MERTK: variants seen among roughly 807,000 people sequenced by gnomAD.
MERTK encodes the protein tyrosine-protein kinase Mer.
MERTK carries 69 observed loss-of-function variants against 99.3 expected under a neutral mutation model. The ratio of observed to expected loss-of-function variants is 0.70; its 90% CI spans 0.57 to 0.85. The LOEUF (loss-of-function observed/expected upper bound fraction) is 0.85, where lower values mean the gene tolerates loss of function less well. Among genes scored for constraint, MERTK ranks in the 40% least tolerant of loss-of-function variants. MERTK has a pLI of 0.00. For missense variants in MERTK, 1,125 were observed against 1,249.4 expected (o/e 0.90, Z 1.50); for synonymous variants, 426 against 467.6 (o/e 0.91, Z 1.15).
At chr2:111,946,530 C>T (rs77855872) in intron 3 of MERTK, among the ~76,000 whole-genome samples, 406 of 152,170 alleles carry the variant, frequency 2.7e-3, no homozygotes, top group African/African-American at 9.2e-3. Context: ...TTGGAAAGTA[C>T]GGTAGATTTA....
At chr2:111,970,786 CCCTCCTCCTCCTCCCCCCT>C (rs1558791438) in intron 6 of MERTK, among the ~76,000 whole-genome samples, 7 of 19,862 alleles carry the variant, frequency 3.5e-4, no homozygotes, top group Admixed American at 1.6e-3. Flanking sequence ...TCCTCCTCCT[CCCTCCTCCTCCTCCCCCCT>C]CCTCCTCCTC....
In MERTK at chr2:112,001,246, A is replaced by G. The variant is rs773346031; in HGVS notation, c.1650A>G (p.Ile550Met). The part of the protein sequence containing the change: ...EEDSELVVNY[I>M]AKKSFCRRAI... ...ATTCTGAATTAGTGGTGAATTATAT[A>G]GCAAAGAAATCCTTCTGTCGGCGAG... The change falls in exon 11 of 19, where the codon ATA (isoleucine) becomes ATG (methionine). Residue 550 changes from isoleucine to methionine, a missense_variant. Ile to Met is a conservative substitution (Grantham distance 10). Transcript: ENST00000295408. The G allele has an allele frequency of 1.2e-5, 19 of 1,613,916 alleles. No individual in the cohort carries two copies. The highest frequency in any genetic ancestry group is 1.6e-4 in the Middle Eastern group (1 of 6,082).
At chr2:111,954,413 CTCTA>C (rs1685111768) in intron 4 of MERTK, among the ~76,000 whole-genome samples, 1 of 152,186 alleles carries the variant, frequency 6.6e-6, no homozygotes, top group South Asian at 2.1e-4. Flanking sequence ...AGAACAAACC[CTCTA>C]TCTATTTGTC....
chr2:112,022,604 G>A (rs764915730), intron 18 of MERTK: 2 of 811,672 alleles, frequency 2.5e-6, no homozygotes, highest in East Asian at 2.5e-5. Context: ...AGCCCACTGA[G>A]GCTCACTCAT....
intron 4 of MERTK, among the ~76,000 whole-genome samples, chr2:111,958,009 A>C (rs1336831497): frequency 6.6e-6 from 1 of 152,148 alleles, no homozygotes; most frequent in African/African-American, 2.4e-5. Context: ...TATCTGTCAG[A>C]GCTGTGTCAT....
intron 8 of MERTK, among the ~76,000 whole-genome samples, chr2:111,992,212 C>T (rs1211331920): frequency 2.0e-5 from 3 of 152,106 alleles, no homozygotes; most frequent in East Asian, 3.9e-4. Flanking sequence ...TTTCCTCGCT[C>T]AGTCTAATAG....
Position 112,007,573 on chromosome 2 carries a change from C to G in MERTK, c.1868-810C>G, listed in dbSNP as rs181542360. On this transcript the variant is annotated intron_variant, in intron 13 of 18. Coordinates refer to ENST00000295408, the MANE Select transcript of MERTK (RefSeq NM_006343.3). ...ATTTTCTGTCTCTGATTTTGACTCTCTAGGTACTTCATGTAAGTGGAATCA... is the reference window on the plus strand; with the variant it reads ...ATTTTCTGTCTCTGATTTTGACTCTGTAGGTACTTCATGTAAGTGGAATCA... 1.6e-3 allele frequency among the ~76,000 whole-genome samples: 244 copies of G among 152,274 alleles called. 6 individuals carry two copies. Among genetic ancestry groups the G allele is most frequent in the African/African-American group, 5.3e-3 (221 of 41,528 alleles).
At chr2:112,011,306 A>C (rs1293788610) in intron 15 of MERTK, among the ~76,000 whole-genome samples, 1 of 152,174 alleles carries the variant, frequency 6.6e-6, no homozygotes, top group Non-Finnish European at 1.5e-5. Flanking sequence ...AACACAGGGG[A>C]AAATGTCCCA....
chr2:111,921,155 G>A (rs1184667450), intron 1 of MERTK, among the ~76,000 whole-genome samples: 1 of 152,086 alleles, frequency 6.6e-6, no homozygotes, highest in African/African-American at 2.4e-5. Flanking sequence ...AATGTGGGGT[G>A]GGGGCACTGG....
At chr2:112,023,153 G>A (rs141238597) in intron 18 of MERTK, among the ~76,000 whole-genome samples, 2,752 of 152,178 alleles carry the variant, frequency 0.018, 77 homozygotes, top group African/African-American at 0.062. Flanking sequence ...GGTGGCTCAC[G>A]CTTGTAATCC....
rs774145774 is a variant in MERTK, at chr2:111,929,437, A to T, written c.379A>T (p.Thr127Ser). Residue 127 changes from threonine (T) to serine (S), a missense_variant, in exon 2 of 19, where the codon ACA becomes TCA. Coordinates refer to ENST00000295408, the MANE Select transcript of MERTK (RefSeq NM_006343.3). The part of the protein sequence containing the change: ...ISVPNIYQDT[T>S]ISWWKDGKEL... The stretch of plus-strand genomic sequence containing the variant: ...TGTACCTAATATATACCAGGACACC[A>T]CAATTTCTTGGTGGAAAGATGGGAA... 22 of 1,614,110 alleles carry T rather than the reference A, an allele frequency of 1.4e-5. No homozygotes were observed. The Admixed American group carries it at 3.5e-4, about 26-fold the overall frequency.
chr2:111,916,805 T>C (rs927490190), intron 1 of MERTK, among the ~76,000 whole-genome samples: 6 of 152,198 alleles, frequency 3.9e-5, no homozygotes, highest in Admixed American at 2.0e-4. Flanking sequence ...TTTAGTCTTC[T>C]GTTTTACCTG....
chr2:111,995,228 C>T, intron 9 of MERTK: 1 of 155,568 alleles, frequency 6.4e-6, no homozygotes, highest in Middle Eastern at 5.2e-4. Flanking sequence ...AAATGCCCAG[C>T]CATGCGTGTT....
intron 2 of MERTK, among the ~76,000 whole-genome samples, chr2:111,941,422 A>T (rs1455304529): frequency 6.6e-6 from 1 of 152,100 alleles, no homozygotes; most frequent in Non-Finnish European, 1.5e-5. Flanking sequence ...CCCGGTTAGG[A>T]AACACCCATA....
intron 15 of MERTK, among the ~76,000 whole-genome samples, chr2:112,016,022 G>T (rs1677208915): frequency 6.6e-6 from 1 of 152,114 alleles, no homozygotes; most frequent in South Asian, 2.1e-4. Context: ...TAAACTCTGT[G>T]CCCATCCTTT....
chr2:112,005,594 T>C (rs1676964182), intron 13 of MERTK, among the ~76,000 whole-genome samples: 1 of 152,174 alleles, frequency 6.6e-6, no homozygotes, highest in Non-Finnish European at 1.5e-5. Context: ...GGTGTCTGGC[T>C]GGGCATGGCC....
chr2:111,900,060 C>T (rs1684015401), intron 1 of MERTK, among the ~76,000 whole-genome samples: 1 of 152,088 alleles, frequency 6.6e-6, no homozygotes. Flanking sequence ...TTTCTATTTC[C>T]ATTCAGCATG....
At chr2:111,909,256 G>A (rs1342920584) in intron 1 of MERTK, among the ~76,000 whole-genome samples, 1 of 152,124 alleles carries the variant, frequency 6.6e-6, no homozygotes, top group Non-Finnish European at 1.5e-5. Context: ...AGCACTGAGT[G>A]GTTAAGTTAA....
At position 112,029,402 on chromosome 2, in the gene MERTK, G is replaced by GGAGTA; in HGVS notation, c.*538_*539insGAGTA. On this transcript the variant is annotated 3_prime_UTR_variant, in exon 19 of 19. Transcript: ENST00000295408. ...GAACTTACTTGAGACTTGAAAGACA[G>GGAGTA]TGGTCGGCAGCGGCCTTGTGGCCTT... 1 of 904,746 alleles carries GGAGTA rather than the reference G, an allele frequency of 1.1e-6. No individual in the cohort carries two copies. Among genetic ancestry groups the GGAGTA allele is most frequent in the Non-Finnish European group, 1.3e-6 (1 of 756,388 alleles). The allele number at this position is 904,746 out of a possible 1,614,324, so 56.0% of individuals were successfully genotyped here. A position where few individuals can be genotyped will look rare whatever the true frequency, so the allele number is the denominator to read the frequency against.
Sources: allele counts gnomAD v4.1 joint callset (sites outside exome capture counted in the v4.1 genomes callset), GRCh38; gene constraint gnomAD v4.1.1; transcripts MANE v1.5; gene names NCBI Gene and HGNC (gene_info 2026-07-23, HGNC 2026-07-21).